RUNX2: variants seen among roughly 807,000 people sequenced by gnomAD.
RUNX2 encodes RUNX family transcription factor 2, also known as runt-related transcription factor 2.
Under a neutral mutation model 51.7 loss-of-function variants are expected in RUNX2, and 10 were observed. The observed-to-expected ratio is 0.19, with a 90% CI of 0.12 to 0.33. RUNX2 has a LOEUF of 0.33. Ranked by LOEUF, RUNX2 falls within the 10% of genes least tolerant of loss-of-function variation. The probability of loss-of-function intolerance (pLI) is 1.00; values close to 1 mark genes in which losing one functional copy is unlikely to be tolerated. For missense variants in RUNX2, 562 were observed against 691.3 expected, an observed-to-expected ratio of 0.81 and a Z score of 2.10; for synonymous variants, 276 against 273.6, an observed-to-expected ratio of 1.01 and a Z score of -0.09.
At chr6:45,393,894 G>A (rs1438199563) in intron 2 of RUNX2, among the ~76,000 whole-genome samples, 9 of 151,562 alleles carry the variant, frequency 5.9e-5, no homozygotes, top group Admixed American at 5.9e-4. Flanking sequence ...GACAGCAGGA[G>A]TAGGGTTGGG....
At chr6:45,467,931 C>G (rs1022760993) in intron 5 of RUNX2, among the ~76,000 whole-genome samples, 1 of 152,196 alleles carries the variant, frequency 6.6e-6, no homozygotes, top group African/African-American at 2.4e-5. Flanking sequence ...TAGCTACCAG[C>G]CTCTTTCTCC....
intron 2 of RUNX2, among the ~76,000 whole-genome samples, chr6:45,398,991 GTTTACAAAAGCAAGC>G (rs144174836): frequency 0.076 from 11,623 of 152,190 alleles, 582 homozygotes; most frequent in African/African-American, 0.14. Context: ...TGAAGCTTTT[GTTTACAAAAGCAAGC>G]TGTAAATAAA....
chr6:45,458,188 G>C (rs1489607652), intron 5 of RUNX2, among the ~76,000 whole-genome samples: 3 of 151,980 alleles, frequency 2.0e-5, no homozygotes, highest in African/African-American at 7.3e-5. Flanking sequence ...CACCATGCCT[G>C]GCTAATTTTT....
At chr6:45,474,291 A>G (rs1358923877) in intron 5 of RUNX2, among the ~76,000 whole-genome samples, 2 of 152,068 alleles carry the variant, frequency 1.3e-5, no homozygotes, top group Admixed American at 6.5e-5. Context: ...TTTAGTTTGT[A>G]TAATGGCTAG....
chr6:45,416,186 C>T (rs1358960763), intron 2 of RUNX2, among the ~76,000 whole-genome samples: 1 of 152,138 alleles, frequency 6.6e-6, no homozygotes, highest in African/African-American at 2.4e-5. Flanking sequence ...GCTAATAGAA[C>T]CAAGTTGAAC....
At chr6:45,532,722 G>A (rs1801900733) in intron 7 of RUNX2, among the ~76,000 whole-genome samples, 1 of 152,102 alleles carries the variant, frequency 6.6e-6, no homozygotes, top group African/African-American at 2.4e-5. Context: ...TGTCTCTCCT[G>A]ACCAGTCACT....
intron 5 of RUNX2, among the ~76,000 whole-genome samples, chr6:45,461,373 G>T (rs1198441621): frequency 6.6e-6 from 1 of 152,148 alleles, no homozygotes; most frequent in Non-Finnish European, 1.5e-5. Flanking sequence ...ATTTTGATTT[G>T]GTGGGGAAAA....
Position 45,529,476 on chromosome 6 carries a change from G to A in RUNX2, c.1022-15741G>A, listed in dbSNP as rs190722680. On this transcript the variant is annotated intron_variant, in intron 7 of 8. Coordinates refer to ENST00000647337, the MANE Select transcript of RUNX2 (RefSeq NM_001024630.4). ...CAAAAACTTCATAGATTGGAGCTTC[G>A]GATGATGGGTTGGCTGTTTCTTTGG... 2.2e-4 allele frequency among the ~76,000 whole-genome samples: 34 copies of A among 152,040 alleles called. No individual in the cohort carries two copies. In the East Asian group the frequency reaches 3.9e-3, roughly 17 times the overall value.
intron 7 of RUNX2, among the ~76,000 whole-genome samples, chr6:45,543,985 T>C (rs1366133637): frequency 2.0e-5 from 3 of 151,442 alleles, no homozygotes; most frequent in African/African-American, 7.3e-5. Flanking sequence ...AAATTGTTAC[T>C]ATTTCTTCCT....
chr6:45,493,333 A>G (rs1447119657), intron 6 of RUNX2, among the ~76,000 whole-genome samples: 1 of 152,222 alleles, frequency 6.6e-6, no homozygotes, highest in Non-Finnish European at 1.5e-5. Flanking sequence ...TTTAGACTAT[A>G]TAAAACTTTA....
chr6:45,409,068 A>G (rs776598502), intron 2 of RUNX2, among the ~76,000 whole-genome samples: 87 of 152,206 alleles, frequency 5.7e-4, no homozygotes, highest in Non-Finnish European at 7.9e-4. Context: ...ACAAGCCACT[A>G]GCTTTTATAT....
chr6:45,421,408 CTCA>C (rs975279959), intron 2 of RUNX2: 1 of 152,096 alleles, frequency 6.6e-6, no homozygotes, highest in Non-Finnish European at 1.5e-5. Context: ...ACCCCCCCTC[CTCA>C]TTTTTTTTGT....
chr6:45,377,256 A>G (rs960959849), intron 2 of RUNX2: 4 of 152,160 alleles, frequency 2.6e-5, no homozygotes, highest in Admixed American at 2.6e-4. Flanking sequence ...TACAGACCAA[A>G]ACAAGGCAAA....
intron 2 of RUNX2, among the ~76,000 whole-genome samples, chr6:45,391,686 C>T (rs899486868): frequency 2.0e-5 from 3 of 152,112 alleles, no homozygotes; most frequent in Admixed American, 6.6e-5. Flanking sequence ...TGAAGCAAGG[C>T]GCCTTCTTCA....
intron 7 of RUNX2, among the ~76,000 whole-genome samples, chr6:45,540,248 G>C (rs1020088820): frequency 1.3e-5 from 2 of 152,166 alleles, no homozygotes; most frequent in Non-Finnish European, 2.9e-5. Flanking sequence ...TTTTTGAAAG[G>C]TGGCTGGCCT....
At chr6:45,492,672 A>G (rs1280497984) in intron 6 of RUNX2, among the ~76,000 whole-genome samples, 1 of 152,208 alleles carries the variant, frequency 6.6e-6, no homozygotes, top group Non-Finnish European at 1.5e-5. Flanking sequence ...TATAAATTCT[A>G]GTCAGCTACT....
At chr6:45,447,787 T>C (rs541151141) in intron 5 of RUNX2, among the ~76,000 whole-genome samples, 2 of 152,364 alleles carry the variant, frequency 1.3e-5, no homozygotes, top group South Asian at 4.1e-4. Context: ...TTTGCTTTTT[T>C]CTTGATGTAG....
intron 2 of RUNX2, among the ~76,000 whole-genome samples, chr6:45,364,946 T>C (rs1053865434): frequency 6.6e-6 from 1 of 152,148 alleles, no homozygotes; most frequent in African/African-American, 2.4e-5. Flanking sequence ...AGCAATTGTG[T>C]CCACCTGATT....
chr6:45,344,092 C>T (rs1009294364), intron 2 of RUNX2, among the ~76,000 whole-genome samples: 1 of 152,058 alleles, frequency 6.6e-6, no homozygotes, highest in African/African-American at 2.4e-5. Flanking sequence ...AACTAAAGAG[C>T]AATTCAAATT....
Sources: allele counts gnomAD v4.1 joint callset (sites outside exome capture counted in the v4.1 genomes callset), GRCh38; gene constraint gnomAD v4.1.1; transcripts MANE v1.5; gene names NCBI Gene and HGNC (gene_info 2026-07-23, HGNC 2026-07-21).